The following BET1 variants were observed in gnomAD, a reference collection of about 807,000 sequenced individuals.
BET1 encodes the protein BET1 homolog.
In BET1, 9 loss-of-function variants were observed where a neutral mutation model predicts 13.9. The observed-to-expected ratio is 0.65, with a 90% CI of 0.39 to 1.13. The LOEUF (loss-of-function observed/expected upper bound fraction) is 1.13, where lower values mean the gene tolerates loss of function less well. Among genes scored for constraint, BET1 ranks in the 50% most tolerant of loss-of-function variants. The pLI is 0.01. For missense variants in BET1, 127 were observed against 133.6 expected (o/e 0.95, Z 0.24); for synonymous variants, 39 against 47.3 (o/e 0.82, Z 0.72).
At chr7:93,982,503 C>CT (rs1248207277) in intron 4 of BET1, among the ~76,000 whole-genome samples, 5 of 152,232 alleles carry the variant, frequency 3.3e-5, no homozygotes, top group Admixed American at 3.3e-4. Flanking sequence ...CTATGTTGGG[C>CT]TTGGATAATA....
chr7:94,004,293 C>T lies in BET1; in HGVS notation c.-77G>A. ...AAACAGCTAGGGGCGACCCGGACCG[C>T]GTCTTCAGTACCAGGGCCCAGCGAA... On this transcript the variant is annotated 5_prime_UTR_variant, in exon 1 of 4. Transcript: ENST00000222547. 6.3e-7 allele frequency: 1 copy of T among 1,593,684 alleles called. No individual in the cohort carries two copies. The highest frequency in any genetic ancestry group is 8.6e-7 in the Non-Finnish European group (1 of 1,161,756).
intron 5 of BET1, among the ~76,000 whole-genome samples, chr7:93,973,482 T>C (rs1397947713): frequency 6.6e-6 from 1 of 151,924 alleles, no homozygotes; most frequent in Non-Finnish European, 1.5e-5. Flanking sequence ...AGAATTTAGC[T>C]CTGGGGAGAC....
intron 6 of BET1, chr7:93,969,391 G>A (rs1795224837): frequency 6.6e-6 from 1 of 151,930 alleles, no homozygotes; most frequent in Non-Finnish European, 1.5e-5. Context: ...GGAAAGTGTT[G>A]CTTCCTTAAA....
intron 1 of BET1, chr7:94,000,320 A>T (rs942703651): frequency 6.7e-6 from 1 of 150,098 alleles, no homozygotes; most frequent in South Asian, 2.1e-4. Context: ...TCACCCTGTT[A>T]GCCAGGATGG....
intron 1 of BET1, among the ~76,000 whole-genome samples, chr7:94,001,889 C>T (rs1022264683): frequency 3.3e-5 from 5 of 152,092 alleles, no homozygotes; most frequent in Non-Finnish European, 7.4e-5. Flanking sequence ...TGTTTAGTTG[C>T]TTTTGCCTAT....
chr7:93,984,694 T>A (rs1190731163), intron 4 of BET1, among the ~76,000 whole-genome samples: 1 of 152,146 alleles, frequency 6.6e-6, no homozygotes, highest in Non-Finnish European at 1.5e-5. Context: ...CTCCAGATTG[T>A]GTTTGCAAAT....
intron 1 of BET1, among the ~76,000 whole-genome samples, chr7:94,001,246 C>T (rs974892613): frequency 2.0e-5 from 3 of 152,136 alleles, no homozygotes; most frequent in Admixed American, 6.5e-5. Flanking sequence ...CCCCCATAAA[C>T]CTACAAACAC....
intron 5 of BET1, among the ~76,000 whole-genome samples, chr7:93,975,537 A>C (rs1319601030): frequency 1.3e-5 from 2 of 152,092 alleles, no homozygotes; most frequent in Non-Finnish European, 2.9e-5. Flanking sequence ...AGTTGTAAAA[A>C]AATTAACAAA....
intron 4 of BET1, among the ~76,000 whole-genome samples, chr7:93,977,179 G>T (rs1333407044): frequency 6.6e-6 from 1 of 152,102 alleles, no homozygotes; most frequent in African/African-American, 2.4e-5. Flanking sequence ...ATGTTGGAGG[G>T]GCTGGGTACG....
chr7:93,975,532 T>TA (rs1795322344), intron 5 of BET1, among the ~76,000 whole-genome samples: 2 of 152,180 alleles, frequency 1.3e-5, no homozygotes, highest in East Asian at 1.9e-4. Flanking sequence ...GCTTTAGTTG[T>TA]AAAAAAATTA....
At chr7:93,967,179 C>T (rs928537120) in intron 6 of BET1, among the ~76,000 whole-genome samples, 8 of 151,772 alleles carry the variant, frequency 5.3e-5, no homozygotes, top group Non-Finnish European at 7.4e-5. Context: ...ATTCTCAAAC[C>T]GTATGGCAAC....
chr7:94,002,794 T>A (rs1314339665), intron 1 of BET1, among the ~76,000 whole-genome samples: 1 of 152,136 alleles, frequency 6.6e-6, no homozygotes, highest in Non-Finnish European at 1.5e-5. Flanking sequence ...ATCCCTTACT[T>A]CTTTTGAGTT....
intron 6 of BET1, among the ~76,000 whole-genome samples, chr7:93,967,768 T>C (rs1193109449): frequency 6.6e-6 from 1 of 151,762 alleles, no homozygotes; most frequent in Non-Finnish European, 1.5e-5. Flanking sequence ...TTCCATATAA[T>C]TTATTATATA....
chr7:93,995,914 GAT>G (rs1385107395), intron 3 of BET1: 1 of 344,038 alleles, frequency 2.9e-6, no homozygotes, highest in East Asian at 4.5e-5. Flanking sequence ...TAGTTGGTTG[GAT>G]ATCAAGTGCC....
intron 2 of BET1, among the ~76,000 whole-genome samples, chr7:93,998,567 C>T (rs1229815567): frequency 1.3e-5 from 2 of 151,976 alleles, no homozygotes; most frequent in South Asian, 2.1e-4. Context: ...GGTGTGGTGG[C>T]GGGCACCTGC....
At position 93,971,936 on chromosome 7, in the gene BET1, T is replaced by TAA. The variant is rs796161473; in HGVS notation, c.*137+637_*137+638dup. 4.0e-3 allele frequency among the ~76,000 whole-genome samples: 568 copies of TAA among 140,608 alleles called. 8 individuals carry two copies. Among genetic ancestry groups the TAA allele is most frequent in the African/African-American group, 0.012 (474 of 38,808 alleles). The allele number at this position is 140,608 out of a possible 152,430, so 92.2% of individuals were successfully genotyped here. A position where few individuals can be genotyped will look rare whatever the true frequency, so the allele number is the denominator to read the frequency against. On this transcript the variant is annotated intron_variant and NMD_transcript_variant, in intron 6 of 6. Transcript: ENST00000357520. ...CAGCTTTTTCCAGAAACTGCAAGCTTAAAAAAAAAAAAGCCATTGGATATG... is the reference window on the plus strand; with the variant it reads ...CAGCTTTTTCCAGAAACTGCAAGCTTAAAAAAAAAAAAAAGCCATTGGATATG...
At chr7:93,994,879 C>CT (rs77163528) in intron 3 of BET1, among the ~76,000 whole-genome samples, 68,019 of 151,786 alleles carry the variant, frequency 0.45, 16,335 homozygotes, top group African/African-American at 0.63. Flanking sequence ...GAGTCTCGCT[C>CT]GTTGCCCAGG....
chr7:93,985,897 C>T (rs1795520492), intron 4 of BET1, among the ~76,000 whole-genome samples: 1 of 152,138 alleles, frequency 6.6e-6, no homozygotes, highest in African/African-American at 2.4e-5. Context: ...AAACACACAG[C>T]CAAGGACCTA....
At chr7:93,997,826 G>A (rs1159180339) in intron 2 of BET1, among the ~76,000 whole-genome samples, 1 of 152,160 alleles carries the variant, frequency 6.6e-6, no homozygotes, top group South Asian at 2.1e-4. Context: ...AGAATATAAA[G>A]TAAGTACAAT....
Sources: gnomAD v4.1 joint callset for allele counts (sites outside exome capture counted in the v4.1 genomes callset) on GRCh38, gnomAD v4.1.1 for gene constraint, MANE v1.5 for transcripts, NCBI Gene and HGNC (gene_info 2026-07-23, HGNC 2026-07-21) for gene names.